LRP4: variants seen among roughly 807,000 people sequenced by gnomAD.
LRP4 encodes LDL receptor related protein 4, also known as low-density lipoprotein receptor-related protein 4.
Under a neutral mutation model 220.3 loss-of-function variants are expected in LRP4, and 95 were observed. The observed-to-expected ratio is 0.43, with a 90% CI of 0.37 to 0.51. The LOEUF is 0.51. Among genes scored for constraint, LRP4 ranks in the 20% least tolerant of loss-of-function variants. The probability of loss-of-function intolerance (pLI) is 0.00; values close to 1 mark genes in which losing one functional copy is unlikely to be tolerated. For missense variants in LRP4, 1,925 were observed against 2,567.0 expected (o/e 0.75, Z 5.40); for synonymous variants, 903 against 954.6 (o/e 0.95, Z 1.00).
At chr11:46,910,882 A>C (rs1408360544) in intron 1 of LRP4, among the ~76,000 whole-genome samples, 1 of 151,786 alleles carries the variant, frequency 6.6e-6, no homozygotes, top group African/African-American at 2.4e-5. Flanking sequence ...CTCCACATTG[A>C]CCAGGCTGGT....
intron 16 of LRP4, among the ~76,000 whole-genome samples, chr11:46,888,923 G>A (rs1941359853): frequency 6.6e-6 from 1 of 152,158 alleles, no homozygotes; most frequent in South Asian, 2.1e-4. Flanking sequence ...AGCAGTTCAG[G>A]GACAGACCAG....
At chr11:46,891,267 C>T (rs1327682376) in intron 13 of LRP4, among the ~76,000 whole-genome samples, 5 of 152,042 alleles carry the variant, frequency 3.3e-5, no homozygotes, top group African/African-American at 9.7e-5. Flanking sequence ...GCACCCGCCA[C>T]CATGCCCAGC....
Position 46,875,742 on chromosome 11 carries a change from T to C in LRP4, c.3700-61A>G, listed in dbSNP as rs1940995729. On this transcript the variant is annotated intron_variant, in intron 26 of 37. Transcript: ENST00000378623. This position sits in a 1 kb window ranked among gnomAD's most constrained non-coding sequence, Gnocchi z 4.5. ...GCAGATTGGGAACTCTCCATGGAGA[T>C]CCTAGGCAGGCCTTTCCCATCTTCC... The C allele has an allele frequency of 1.2e-6, 2 of 1,612,592 alleles. No homozygotes were observed. The highest frequency in any genetic ancestry group is 4.5e-5 in the East Asian group (2 of 44,860).
chr11:46,889,717 G>A, intron 15 of LRP4, 184 bp from the exon 16 acceptor site: 1 of 878,352 alleles, frequency 1.1e-6, no homozygotes, highest in African/African-American at 1.7e-5. Context: ...CCCTGTAAAT[G>A]TCTGCCTGAA....
Position 46,909,704 on chromosome 11 carries a change from C to G in LRP4, c.53-6775G>C, listed in dbSNP as rs113336655. On this transcript the variant is annotated intron_variant, in intron 1 of 37. Coordinates refer to ENST00000378623, the MANE Select transcript of LRP4 (RefSeq NM_002334.4). ...TTAGCATATGCCTCTCTCCTTTTAT[C>G]CACTGGCAGCAATAAATACAAGTTC... 2.7e-4 allele frequency among the ~76,000 whole-genome samples: 39 copies of G among 143,666 alleles called. 1 individual carries two copies. Among genetic ancestry groups the G allele is most frequent in the African/African-American group, 9.8e-4 (38 of 38,690 alleles). 94.3% of individuals were successfully genotyped at this position (143,666 alleles called of 152,430 possible).
chr11:46,906,356 T>C (rs186537258), intron 1 of LRP4, among the ~76,000 whole-genome samples: 11 of 151,288 alleles, frequency 7.3e-5, no homozygotes, highest in Admixed American at 6.6e-4. Flanking sequence ...CTTGGGAGGC[T>C]GAAGCAAAAG....
intron 13 of LRP4, among the ~76,000 whole-genome samples, chr11:46,891,280 A>G (rs1176904113): frequency 1.3e-5 from 2 of 151,696 alleles, no homozygotes; most frequent in African/African-American, 2.4e-5. Flanking sequence ...TGCCCAGCTA[A>G]TTTTTGTATT....
intron 20 of LRP4, among the ~76,000 whole-genome samples, chr11:46,881,011 C>T (rs1054411227): frequency 1.4e-5 from 2 of 139,922 alleles, no homozygotes; most frequent in African/African-American, 5.5e-5. Context: ...TATTGTGCCA[C>T]TGCACTCCAG....
At chr11:46,869,280 A>G (rs1036633761) in intron 31 of LRP4, 148 bp from the exon 32 acceptor site, 3 of 795,868 alleles carry the variant, frequency 3.8e-6, no homozygotes, top group Non-Finnish European at 6.4e-6. Flanking sequence ...AACAGACATG[A>G]CATTGTCAAG....
chr11:46,887,883 T>C (rs911873221), intron 16 of LRP4, among the ~76,000 whole-genome samples: 1 of 150,558 alleles, frequency 6.6e-6, no homozygotes, highest in Non-Finnish European at 1.5e-5. Context: ...GGTGTGACAG[T>C]GTATGCCTGT....
chr11:46,868,448 C>T (rs1014616573), intron 33 of LRP4, 152 bp downstream of exon 33: 14 of 712,296 alleles, frequency 2.0e-5, no homozygotes, highest in East Asian at 1.1e-4. Flanking sequence ...ATTCCCAAAA[C>T]CCAAGCAGAC....
chr11:46,906,931 G>A (rs993437271), intron 1 of LRP4, among the ~76,000 whole-genome samples: 1 of 152,226 alleles, frequency 6.6e-6, no homozygotes, highest in Non-Finnish European at 1.5e-5. Context: ...GCAAACGCTT[G>A]ACTTGGGCAT....
rs146596368 is a variant in LRP4 at position 46,899,846 on chromosome 11, C to T, written c.430+17G>A. 1.2e-6 allele frequency: 2 copies of T among 1,610,712 alleles called. No individual in the cohort carries two copies. Among genetic ancestry groups the T allele is most frequent in the African/African-American group, 2.7e-5 (2 of 75,014 alleles). On this transcript the variant is annotated intron_variant, in intron 4 of 37. Transcript: ENST00000378623. This position sits in a 1 kb window ranked among gnomAD's most constrained non-coding sequence, Gnocchi z 5.9. The stretch of plus-strand genomic sequence containing the variant: ...CACTGGCCACCTTGCCTGCCTTCCC[C>T]CGTTGGGGTCACCCACCACACTGCT...
rs148865136 is a variant in LRP4 at position 46,864,509 on chromosome 11, T to C, written c.5182A>G (p.Ile1728Val). 4.4e-4 allele frequency: 705 copies of C among 1,613,510 alleles called. No individual in the cohort carries two copies. Among genetic ancestry groups the C allele is most frequent in the Middle Eastern group, 2.5e-3 (15 of 6,058 alleles). Reference sequence around the variant, plus strand: ...AGCAGAATACTGAGGAGTCCACCAATGGCGTAGCTGATATGAAGTCCTTCC... The same window carrying C: ...AGCAGAATACTGAGGAGTCCACCAACGGCGTAGCTGATATGAAGTCCTTCC... Reference protein sequence around the residue: ...PGEGLHISYAIGGLLSILLIL... With the variant: ...PGEGLHISYAVGGLLSILLIL... The change falls in exon 36 of 38, where the codon ATT (isoleucine) becomes GTT (valine). Residue 1728 changes from isoleucine to valine, a missense_variant. Ile to Val is a conservative substitution (Grantham distance 29). Coordinates refer to ENST00000378623, the MANE Select transcript of LRP4 (RefSeq NM_002334.4).
At chr11:46,892,762 G>A (rs891331575) in intron 13 of LRP4, among the ~76,000 whole-genome samples, 5 of 152,094 alleles carry the variant, frequency 3.3e-5, no homozygotes, top group Admixed American at 6.6e-5. Context: ...CAGAGATGGG[G>A]TTTCCCCATG....
In LRP4 at chr11:46,867,965, T is replaced by C. The variant is rs376251083; in HGVS notation, c.5087+14A>G. The C allele has an allele frequency of 8.1e-6, 13 of 1,614,138 alleles. No homozygotes were observed. The highest frequency in any genetic ancestry group is 1.7e-5 in the Admixed American group (1 of 60,032). On this transcript the variant is annotated intron_variant, in intron 34 of 37. Coordinates refer to ENST00000378623, the MANE Select transcript of LRP4 (RefSeq NM_002334.4). ...GAATCAAAGGGCCCATGATCCTGCA[T>C]TGAACCTATTTACCTTCCTTCCACC...
chr11:46,889,372 A>G, intron 16 of LRP4, 39 bp downstream of exon 16: 1 of 1,612,330 alleles, frequency 6.2e-7, no homozygotes, highest in Non-Finnish European at 8.5e-7. Context: ...CCATCCTCAC[A>G]ACAGCCTCCA....
chr11:46,896,466 AAGC>A, intron 8 of LRP4, 131 bp from the exon 9 acceptor site: 2 of 1,136,714 alleles, frequency 1.8e-6, no homozygotes, highest in Non-Finnish European at 2.6e-6. Context: ...CCTGGGCAGG[AAGC>A]AGCTCAGACA....
Position 46,909,591 on chromosome 11 carries a change from G to A in LRP4, c.53-6662C>T, listed in dbSNP as rs549705168. ...CTGCAGTCCGCAGTCCGGCCTGGGC[G>A]ACAGAGCGAGACTCCGTCTCAAAAA... is the stretch of plus-strand genomic sequence containing the variant. On this transcript the variant is annotated intron_variant, in intron 1 of 37. Transcript: ENST00000378623. Among the ~76,000 whole-genome samples, 34 of 96,380 alleles carry A rather than the reference G, an allele frequency of 3.5e-4. 1 individual carries two copies. In the Admixed American group the frequency reaches 5.1e-3, roughly 14 times the overall value. The allele number at this position is 96,380 out of a possible 152,430, so 63.2% of individuals were successfully genotyped here.
Sources: gnomAD v4.1 joint callset for allele counts (sites outside exome capture counted in the v4.1 genomes callset) on GRCh38, gnomAD v4.1.1 for gene constraint, Gnocchi (gnomAD v3.1) non-coding constraint, MANE v1.5 for transcripts, NCBI Gene and HGNC (gene_info 2026-07-23, HGNC 2026-07-21) for gene names.